The following C11orf65 variants were observed in gnomAD, a reference collection of about 807,000 sequenced individuals.
C11orf65 encodes protein MFI.
Under a neutral mutation model 35.3 loss-of-function variants are expected in C11orf65, and 38 were observed. The ratio of observed to expected loss-of-function variants is 1.08; its 90% CI spans 0.83 to 1.41. The LOEUF is 1.41. C11orf65 is among the 40% of genes most tolerant of loss of function. The pLI is 0.00. For synonymous variants in C11orf65, 105 were observed against 114.4 expected (o/e 0.92, Z 0.53); for missense variants, 370 against 367.1 (o/e 1.01, Z -0.06).
At position 108,427,061 on chromosome 11, in the gene C11orf65, C is replaced by T. The variant is rs146401964; in HGVS notation, c.174+4685G>A. ...ACTCTAGATGGATTAAAGACTTAAA[C>T]GTAAGACCTAAAACCATAAAAATCC... On this transcript the variant is annotated intron_variant, in intron 3 of 8. Coordinates refer to ENST00000393084, the MANE Select transcript of C11orf65 (RefSeq NM_152587.5). 5.9e-4 allele frequency among the ~76,000 whole-genome samples: 90 copies of T among 152,150 alleles called. No homozygotes were observed. The East Asian group carries it at 0.014, about 23-fold the overall frequency.
chr11:108,408,687 A>ATAAAATAAAAAAT (rs2092595041), intron 3 of C11orf65, among the ~76,000 whole-genome samples: 1 of 82,150 alleles, frequency 1.2e-5, no homozygotes, highest in Non-Finnish European at 2.2e-5. Flanking sequence ...ATAAAATAAA[A>ATAAAATAAAAAAT]TAAAATAAAA....
intron 6 of C11orf65, among the ~76,000 whole-genome samples, chr11:108,322,582 C>T (rs1019919755): frequency 1.3e-5 from 2 of 152,118 alleles, no homozygotes; most frequent in Non-Finnish European, 2.9e-5. Context: ...GGAAATGATC[C>T]AGGGATTTTG....
chr11:108,313,269 C>A (rs932663467), intron 6 of C11orf65, among the ~76,000 whole-genome samples: 2 of 152,134 alleles, frequency 1.3e-5, no homozygotes, highest in Non-Finnish European at 2.9e-5. Context: ...CATTTTAAAA[C>A]CTCTCCTGTT....
chr11:108,432,156 T>C (rs971515343), intron 2 of C11orf65, among the ~76,000 whole-genome samples: 1 of 152,202 alleles, frequency 6.6e-6, no homozygotes, highest in African/African-American at 2.4e-5. Flanking sequence ...TACAGACTAC[T>C]GATTAAGAAC....
chr11:108,394,056 T>C (rs909651908), intron 6 of C11orf65, among the ~76,000 whole-genome samples: 1 of 151,510 alleles, frequency 6.6e-6, no homozygotes, highest in Non-Finnish European at 1.5e-5. Flanking sequence ...GGCGGGCCCC[T>C]GTAATCCCAG....
intron 2 of C11orf65, among the ~76,000 whole-genome samples, chr11:108,375,047 A>C (rs1817220922): frequency 6.6e-6 from 1 of 152,222 alleles, no homozygotes; most frequent in South Asian, 2.1e-4. Flanking sequence ...AATGGAACCA[A>C]GATGGAAAAC....
At chr11:108,390,595 ATC>A (rs1205979827) in intron 7 of C11orf65, among the ~76,000 whole-genome samples, 5 of 152,152 alleles carry the variant, frequency 3.3e-5, no homozygotes, top group Non-Finnish European at 7.3e-5. Flanking sequence ...AAAATTCTCT[ATC>A]CAGTCCTGGG....
chr11:108,438,515 C>T (rs2093100790), intron 2 of C11orf65, among the ~76,000 whole-genome samples: 1 of 151,096 alleles, frequency 6.6e-6, no homozygotes, highest in Admixed American at 6.6e-5. Context: ...TGAGTCACTG[C>T]ACTCCAGCTT....
At chr11:108,469,006 G>A (rs774430240), upstream of C11orf65, among the ~76,000 whole-genome samples, 10 of 151,826 alleles carry the variant, frequency 6.6e-5, no homozygotes, top group African/African-American at 2.4e-4. Flanking sequence ...CATGATACCC[G>A]GCTAATTTTT....
At chr11:108,347,200 G>T in intron 2 of C11orf65, 1 of 1,079,638 alleles carries the variant, frequency 9.3e-7, no homozygotes, top group African/African-American at 1.6e-5. Flanking sequence ...CAAGTCAGTG[G>T]TCTTAATTGA....
chr11:108,412,211 T>A (rs914510591), intron 3 of C11orf65, among the ~76,000 whole-genome samples: 1 of 152,166 alleles, frequency 6.6e-6, no homozygotes, highest in Non-Finnish European at 1.5e-5. Flanking sequence ...TTTGCTTTCA[T>A]TTGGGTTCTT....
chr11:108,437,532 C>T (rs1369939879), intron 2 of C11orf65, among the ~76,000 whole-genome samples: 2 of 151,248 alleles, frequency 1.3e-5, no homozygotes, highest in East Asian at 2.0e-4. Flanking sequence ...GGTGAAACCC[C>T]GTCTCTACTA....
chr11:108,395,077 G>A (rs2092273354), intron 6 of C11orf65, among the ~76,000 whole-genome samples: 1 of 151,826 alleles, frequency 6.6e-6, no homozygotes, highest in Admixed American at 6.6e-5. Context: ...GCTGCGGTCA[G>A]CTATGATAGC....
chr11:108,350,376 A>G (rs1273869478), intron 2 of C11orf65, among the ~76,000 whole-genome samples: 1 of 152,192 alleles, frequency 6.6e-6, no homozygotes, highest in Non-Finnish European at 1.5e-5. Context: ...AATCTCAGTC[A>G]AATTTGAAGA....
At chr11:108,320,750 C>T (rs925941331) in intron 6 of C11orf65, among the ~76,000 whole-genome samples, 3 of 152,168 alleles carry the variant, frequency 2.0e-5, no homozygotes, top group Non-Finnish European at 2.9e-5. Flanking sequence ...GTTAGGAGTG[C>T]TGAGCCCCTC....
At chr11:108,365,696 T>C (rs2091274682) in intron 2 of C11orf65, 2 of 730,914 alleles carry the variant, frequency 2.7e-6, no homozygotes, top group East Asian at 5.5e-5. Flanking sequence ...TTAAGGAACA[T>C]CTCTGCTTTC....
intron 6 of C11orf65, among the ~76,000 whole-genome samples, chr11:108,310,677 T>G (rs937901851): frequency 2.0e-5 from 3 of 152,178 alleles, no homozygotes; most frequent in African/African-American, 7.2e-5. Flanking sequence ...TCAGTCAGAT[T>G]AGATTTACCA....
downstream of C11orf65, chr11:108,330,330 T>C (rs1224883896): frequency 1.2e-6 from 2 of 1,614,216 alleles, no homozygotes; most frequent in Non-Finnish European, 1.7e-6. Flanking sequence ...AACTGCTTAT[T>C]AAGTGGAGAA....
At chr11:108,337,585 C>G (rs899101097) in intron 2 of C11orf65, among the ~76,000 whole-genome samples, 3 of 152,184 alleles carry the variant, frequency 2.0e-5, no homozygotes, top group Admixed American at 6.5e-5. Context: ...TATGTTGATG[C>G]TGCACTGGTC....
Sources: allele counts gnomAD v4.1 joint callset (sites outside exome capture counted in the v4.1 genomes callset), GRCh38; gene constraint gnomAD v4.1.1; transcripts MANE v1.5; gene names NCBI Gene and HGNC (gene_info 2026-07-23, HGNC 2026-07-21).